Variants in AP1G1 observed in about 807,000 individuals in gnomAD.
The protein encoded by AP1G1 is adaptor related protein complex 1 subunit gamma 1.
A neutral mutation model predicts 108.3 loss-of-function variants in AP1G1; 7 were observed. The observed-to-expected ratio is 0.06, with a 90% CI of 0.04 to 0.12. The LOEUF (loss-of-function observed/expected upper bound fraction) is 0.12, where lower values mean the gene tolerates loss of function less well. Ranked by LOEUF, AP1G1 falls within the 10% of genes least tolerant of loss-of-function variation. AP1G1 has a pLI of 1.00. For missense variants in AP1G1, 756 were observed against 1,010.7 expected (o/e 0.75, Z 3.42); for synonymous variants, 379 against 353.5 (o/e 1.07, Z -0.81).
At chr16:71,778,682 TAA>T (rs11285281) in intron 2 of AP1G1, among the ~76,000 whole-genome samples, 112 of 127,534 alleles carry the variant, frequency 8.8e-4, no homozygotes, top group Admixed American at 8.8e-4. Flanking sequence ...GATTCTGTCT[TAA>T]AAAAAAAAAA....
intron 1 of AP1G1, among the ~76,000 whole-genome samples, chr16:71,801,791 G>A (rs563570822): frequency 2.6e-4 from 39 of 151,932 alleles, no homozygotes; most frequent in African/African-American, 7.7e-4. Context: ...GCGTGGTGGC[G>A]GGCGCCTGCA....
intron 8 of AP1G1, 43 bp from the exon 9 acceptor site, chr16:71,764,491 A>G (rs2031233360): frequency 1.4e-6 from 2 of 1,397,074 alleles, no homozygotes; most frequent in Non-Finnish European, 2.0e-6. Flanking sequence ...GATAAAAACA[A>G]TGCTCCCAAA....
intron 1 of AP1G1, among the ~76,000 whole-genome samples, chr16:71,794,836 T>TTTTC (rs2032525807): frequency 3.6e-4 from 14 of 39,224 alleles, no homozygotes; most frequent in African/African-American, 1.0e-3. Context: ...TGAGAAGTGC[T>TTTTC]TTTTTTTTTT....
At chr16:71,808,203 A>ACAAC in intron 1 of AP1G1, 1 of 940,546 alleles carries the variant, frequency 1.1e-6, no homozygotes, top group Non-Finnish European at 1.2e-6. Flanking sequence ...AAACAAAACA[A>ACAAC]CAACATATAC....
chr16:71,804,606 T>A (rs1597096167), intron 1 of AP1G1, among the ~76,000 whole-genome samples: 1 of 150,580 alleles, frequency 6.6e-6, no homozygotes, highest in African/African-American at 2.4e-5. Context: ...CGGGATTTCA[T>A]CATGTTGACC....
At chr16:71,733,407 G>A (rs534052269) in intron 22 of AP1G1, among the ~76,000 whole-genome samples, 1 of 152,244 alleles carries the variant, frequency 6.6e-6, no homozygotes, top group South Asian at 2.1e-4. Context: ...TCCTTGAACT[G>A]CATTAAAAGG....
rs1361875244 is a variant in AP1G1 at position 71,746,864 on chromosome 16, CAT to C, written c.1626-174_1626-173del. On this transcript the variant is annotated intron_variant, in intron 16 of 22. Coordinates refer to ENST00000299980, the MANE Select transcript of AP1G1 (RefSeq NM_001128.6). ...ACTTTACTTTCATCCATTTATCTGA[CAT>C]TCGCATTATACTATTCTCATTGTAA... The C allele has an allele frequency of 2.4e-5, 13 of 533,126 alleles. No individual in the cohort carries two copies. The East Asian group carries it at 3.3e-4, about 13-fold the overall frequency. 33.0% of individuals were successfully genotyped at this position (533,126 alleles called of 1,614,324 possible). A position where few individuals can be genotyped will look rare whatever the true frequency, so the allele number is the denominator to read the frequency against.
At chr16:71,769,207 C>T (rs2031470023) in intron 6 of AP1G1, among the ~76,000 whole-genome samples, 1 of 151,468 alleles carries the variant, frequency 6.6e-6, no homozygotes, top group Non-Finnish European at 1.5e-5. Flanking sequence ...CACTTGAACC[C>T]AGGAGGAGGA....
At chr16:71,805,414 G>A (rs1014010665) in intron 1 of AP1G1, among the ~76,000 whole-genome samples, 1 of 152,132 alleles carries the variant, frequency 6.6e-6, no homozygotes, top group Non-Finnish European at 1.5e-5. Context: ...TCGAGCCACT[G>A]CACTCCAGCC....
chr16:71,771,660 T>C (rs2031576786), intron 4 of AP1G1, among the ~76,000 whole-genome samples: 2 of 152,234 alleles, frequency 1.3e-5, no homozygotes, highest in African/African-American at 4.8e-5. Context: ...AAAAACTTTC[T>C]ACATTAGACT....
intron 17 of AP1G1, 28 bp downstream of exon 17, chr16:71,746,560 C>T (rs200008305): frequency 1.3e-5 from 18 of 1,359,308 alleles, no homozygotes; most frequent in Non-Finnish European, 1.9e-5. Context: ...CTAAGAGATA[C>T]ACGCATTGCT....
At chr16:71,733,390 G>A (rs891983638) in intron 22 of AP1G1, among the ~76,000 whole-genome samples, 4 of 152,190 alleles carry the variant, frequency 2.6e-5, no homozygotes, top group Admixed American at 6.5e-5. Context: ...TACACGGTTA[G>A]CTTTAATCCT....
chr16:71,756,770 C>T (rs12447856), intron 11 of AP1G1, among the ~76,000 whole-genome samples: 51,639 of 151,468 alleles, frequency 0.34, 9,608 homozygotes, highest in East Asian at 0.76. Context: ...GGTGAAAGCA[C>T]TTCTGTACTA....
chr16:71,757,002 G>A (rs551830103), intron 11 of AP1G1, among the ~76,000 whole-genome samples: 1 of 152,008 alleles, frequency 6.6e-6, no homozygotes, highest in South Asian at 2.1e-4. Flanking sequence ...CATGTCCTAG[G>A]AGGACAAATA....
Position 71,785,744 on chromosome 16 carries a change from T to C in AP1G1, c.201+3535A>G, listed in dbSNP as rs112845531. On this transcript the variant is annotated intron_variant, in intron 2 of 22. Transcript: ENST00000299980. ...AAAACACAAAAAAATTAGCCAGGCA[T>C]GGTGGCAGGCGCCTGTAGTCCCAGC... 7.1e-3 allele frequency among the ~76,000 whole-genome samples: 1,077 copies of C among 151,846 alleles called. 25 individuals carry two copies. Among genetic ancestry groups the C allele is most frequent in the African/African-American group, 0.025 (1,024 of 41,382 alleles).
intron 9 of AP1G1, among the ~76,000 whole-genome samples, chr16:71,763,062 A>G (rs1206451103): frequency 6.6e-6 from 1 of 152,154 alleles, no homozygotes; most frequent in Non-Finnish European, 1.5e-5. Context: ...AATAGCCCCA[A>G]CACATATGGC....
chr16:71,750,410 T>C, intron 13 of AP1G1, 78 bp from the exon 14 acceptor site: 7 of 1,553,962 alleles, frequency 4.5e-6, no homozygotes, highest in South Asian at 3.5e-5. Flanking sequence ...ATTATTACTG[T>C]GTGTTTTTTC....
intron 2 of AP1G1, among the ~76,000 whole-genome samples, chr16:71,782,302 T>C (rs901798247): frequency 2.0e-5 from 3 of 151,774 alleles, no homozygotes; most frequent in African/African-American, 7.3e-5. Context: ...TACCTGGGAT[T>C]ACAGGTATCT....
At position 71,732,040 on chromosome 16, in the gene AP1G1, C is replaced by G. The variant is rs977340389; in HGVS notation, c.*1018G>C. On this transcript the variant is annotated 3_prime_UTR_variant, in exon 23 of 23. Coordinates refer to ENST00000299980, the MANE Select transcript of AP1G1 (RefSeq NM_001128.6). The stretch of plus-strand genomic sequence containing the variant: ...AGATAAGATGACTCCAATACTCACT[C>G]TTCCTAAGGGCAAAGGTACTTTTGA... 1.3e-5 allele frequency: 2 copies of G among 152,518 alleles called. No homozygotes were observed. The highest frequency in any genetic ancestry group is 4.8e-5 in the African/African-American group (2 of 41,458). The allele number at this position is 152,518 out of a possible 1,614,324, so 9.4% of individuals were successfully genotyped here. A position where few individuals can be genotyped will look rare whatever the true frequency, so the allele number is the denominator to read the frequency against.
Sources: gnomAD v4.1 joint callset for allele counts (sites outside exome capture counted in the v4.1 genomes callset) on GRCh38, gnomAD v4.1.1 for gene constraint, MANE v1.5 for transcripts, NCBI Gene and HGNC (gene_info 2026-07-23, HGNC 2026-07-21) for gene names.